The following PKD2L1 variants were observed in gnomAD, a reference collection of about 807,000 sequenced individuals.
PKD2L1 encodes polycystin-2-like protein 1.
Under a neutral mutation model 93.0 loss-of-function variants are expected in PKD2L1, and 77 were observed. That is an observed-to-expected ratio of 0.83 (90% confidence interval 0.69 to 1.00). PKD2L1 has a LOEUF of 1.00. Among genes scored for constraint, PKD2L1 ranks in the 50% least tolerant of loss-of-function variants. PKD2L1 has a pLI of 0.00. For missense variants in PKD2L1, 977 were observed against 990.9 expected (o/e 0.99, Z 0.19); for synonymous variants, 390 against 388.0 (o/e 1.01, Z -0.06).
At chr10:100,311,625 A>C (rs1190700890) in intron 2 of PKD2L1, among the ~76,000 whole-genome samples, 1 of 152,188 alleles carries the variant, frequency 6.6e-6, no homozygotes, top group Non-Finnish European at 1.5e-5. Context: ...CTCCTTTCCC[A>C]GGTGATTGCC....
chr10:100,289,893 T>C, intron 14 of PKD2L1, 122 bp downstream of exon 14: 2 of 1,145,734 alleles, frequency 1.7e-6, no homozygotes, highest in Non-Finnish European at 2.6e-6. Context: ...GCTATGAACA[T>C]GTTTCCCCAG....
At chr10:100,321,411 GAT>G (rs1849223575) in intron 2 of PKD2L1, among the ~76,000 whole-genome samples, 2 of 151,442 alleles carry the variant, frequency 1.3e-5, no homozygotes, top group African/African-American at 4.9e-5. Flanking sequence ...AGTGAGCCGA[GAT>G]CGCGCCACTG....
chr10:100,293,858 G>A lies in PKD2L1; in HGVS notation c.1660-479C>T, dbSNP rs532040482. On this transcript the variant is annotated intron_variant, in intron 9 of 15. Transcript: ENST00000318222. ...CACACTGGCCTACACCTGTAATCCAGCACTTTGGGAGGCCAAGGCAGGCAG... is the reference window on the plus strand; with the variant it reads ...CACACTGGCCTACACCTGTAATCCAACACTTTGGGAGGCCAAGGCAGGCAG... Among the ~76,000 whole-genome samples the A allele has an allele frequency of 3.9e-5, 6 of 152,328 alleles. No individual in the cohort carries two copies. The East Asian group carries it at 1.2e-3, about 29-fold the overall frequency.
At chr10:100,317,374 T>C (rs1849122488) in intron 2 of PKD2L1, among the ~76,000 whole-genome samples, 1 of 151,036 alleles carries the variant, frequency 6.6e-6, no homozygotes. Context: ...ACCCTGTCTT[T>C]ACAAAAAAAC....
intron 7 of PKD2L1, 38 bp downstream of exon 7, chr10:100,296,084 C>A (rs374710187): frequency 1.3e-6 from 2 of 1,522,892 alleles, no homozygotes; most frequent in Admixed American, 4.1e-5. Flanking sequence ...AGAATGAGTG[C>A]GCCTTGAAGC....
intron 2 of PKD2L1, among the ~76,000 whole-genome samples, chr10:100,312,608 G>A (rs1848959161): frequency 1.3e-5 from 2 of 152,134 alleles, no homozygotes; most frequent in African/African-American, 4.8e-5. Context: ...ACTGGAGATA[G>A]GAGTAGAGGA....
intron 7 of PKD2L1, among the ~76,000 whole-genome samples, chr10:100,295,727 G>A (rs1231416579): frequency 2.8e-3 from 250 of 89,762 alleles, no homozygotes; most frequent in African/African-American, 0.012. Context: ...GTGAGACTTC[G>A]TCTCAAAAAA....
At chr10:100,317,538 A>AAAAC (rs753576173) in intron 2 of PKD2L1, among the ~76,000 whole-genome samples, 1 of 152,198 alleles carries the variant, frequency 6.6e-6, no homozygotes, top group Non-Finnish European at 1.5e-5. Flanking sequence ...ACCCTATCTC[A>AAAAC]AAACAAACAA....
intron 2 of PKD2L1, among the ~76,000 whole-genome samples, chr10:100,305,806 C>T (rs769495904): frequency 3.9e-5 from 6 of 152,104 alleles, no homozygotes; most frequent in Admixed American, 6.5e-5. Flanking sequence ...TGATTTGGCT[C>T]ATGTGTCTTT....
At position 100,295,131 on chromosome 10, in the gene PKD2L1, G is replaced by A; in HGVS notation, c.1357-8C>T. ...GCTGATGTACTTGAATATCTGGAAG[G>A]ACCATGTTGAACCAAGGGATGAAGA... On this transcript the variant is annotated splice_region_variant and splice_polypyrimidine_tract_variant and intron_variant, in intron 7 of 15. Transcript: ENST00000318222. 1 of 1,611,996 alleles carries A rather than the reference G, an allele frequency of 6.2e-7. No individual in the cohort carries two copies. The highest frequency in any genetic ancestry group is 8.5e-7 in the Non-Finnish European group (1 of 1,178,362).
chr10:100,291,809 G>A (rs1317767894), intron 11 of PKD2L1, among the ~76,000 whole-genome samples: 1 of 151,916 alleles, frequency 6.6e-6, no homozygotes, highest in African/African-American at 2.4e-5. Flanking sequence ...AATCCCTTCT[G>A]GCACCCTATT....
chr10:100,298,438 C>T lies in PKD2L1; in HGVS notation c.731+124G>A, dbSNP rs903006300. On this transcript the variant is annotated intron_variant, in intron 4 of 15. Transcript: ENST00000318222. ...CACAGCTGGGATTCAGGGAGATGCC[C>T]CCAGAAGTCCCTTAAAGAGCTCTGA... 29 of 959,628 alleles carry T rather than the reference C, an allele frequency of 3.0e-5. No homozygotes were observed. In the African/African-American group the frequency reaches 3.8e-4, roughly 13 times the overall value. The allele number at this position is 959,628 out of a possible 1,614,324, so 59.4% of individuals were successfully genotyped here.
intron 2 of PKD2L1, among the ~76,000 whole-genome samples, chr10:100,310,540 A>G (rs1232981491): frequency 6.6e-6 from 1 of 152,150 alleles, no homozygotes; most frequent in African/African-American, 2.4e-5. Flanking sequence ...CAACATCTCT[A>G]AAATACCATG....
In PKD2L1 at chr10:100,296,112, T is replaced by A. The variant is rs752949315; in HGVS notation, c.1356+10A>T. On this transcript the variant is annotated intron_variant, in intron 7 of 15. Transcript: ENST00000318222. The stretch of plus-strand genomic sequence containing the variant: ...CTTGAAGCAAAGCTGGGTGTGGGAA[T>A]CCCAGGTACCTTGATCCAGGCGAAG... 2 of 1,598,520 alleles carry A rather than the reference T, an allele frequency of 1.3e-6. No individual in the cohort carries two copies. The highest frequency in any genetic ancestry group is 2.7e-5 in the African/African-American group (2 of 73,720).
chr10:100,289,916 A>G, intron 14 of PKD2L1, 99 bp downstream of exon 14: 1 of 1,344,210 alleles, frequency 7.4e-7, no homozygotes, highest in East Asian at 2.3e-5. Context: ...GCCTGAAAAC[A>G]TAGGTCTTTC....
At chr10:100,292,039 T>C (rs543962835) in intron 11 of PKD2L1, among the ~76,000 whole-genome samples, 3 of 151,994 alleles carry the variant, frequency 2.0e-5, no homozygotes, top group African/African-American at 7.2e-5. Context: ...GCTTGTCCAC[T>C]TGTGAGCTAT....
chr10:100,317,347 C>G (rs1231511353), intron 2 of PKD2L1, among the ~76,000 whole-genome samples: 9 of 151,846 alleles, frequency 5.9e-5, no homozygotes, highest in Non-Finnish European at 1.3e-4. Context: ...CAAGACCAGC[C>G]TGGGCAACAT....
intron 2 of PKD2L1, among the ~76,000 whole-genome samples, chr10:100,309,188 C>T (rs1448178179): frequency 6.6e-6 from 1 of 151,932 alleles, no homozygotes; most frequent in African/African-American, 2.4e-5. Flanking sequence ...ATACAGTCAT[C>T]GAAATAGTAA....
rs559588562 is a variant in PKD2L1, at chr10:100,330,211, G to A, written c.-108C>T. The A allele has an allele frequency of 7.1e-5, 46 of 646,138 alleles. No individual in the cohort carries two copies. Among genetic ancestry groups the A allele is most frequent in the African/African-American group, 3.1e-4 (17 of 54,828 alleles). 40.0% of individuals were successfully genotyped at this position (646,138 alleles called of 1,614,324 possible). A position where few individuals can be genotyped will look rare whatever the true frequency, so the allele number is the denominator to read the frequency against. Reference sequence around the variant, plus strand: ...GCCAGCAGAGAGCAAATGGAAAGGCGTCTGAGAGCAGCTGTTTCCACACAG... The same window carrying A: ...GCCAGCAGAGAGCAAATGGAAAGGCATCTGAGAGCAGCTGTTTCCACACAG... On this transcript the variant is annotated 5_prime_UTR_variant, in exon 1 of 16. In the 5' UTR this introduces an upstream ATG that the reference lacks. Coordinates refer to ENST00000318222, the MANE Select transcript of PKD2L1 (RefSeq NM_016112.3).
Sources: gnomAD v4.1 joint callset for allele counts (sites outside exome capture counted in the v4.1 genomes callset) on GRCh38, gnomAD v4.1.1 for gene constraint, MANE v1.5 for transcripts, NCBI Gene and HGNC (gene_info 2026-07-23, HGNC 2026-07-21) for gene names.